ABHD6: variants seen among roughly 807,000 people sequenced by gnomAD.
The protein encoded by ABHD6 is abhydrolase domain containing 6, acylglycerol lipase.
ABHD6 carries 33 observed loss-of-function variants against 38.8 expected under a neutral mutation model. The observed-to-expected ratio is 0.85, with a 90% CI of 0.64 to 1.14. The LOEUF is 1.14. Among genes scored for constraint, ABHD6 ranks in the 50% most tolerant of loss-of-function variants. The pLI is 0.00. For synonymous variants in ABHD6, 147 were observed against 161.6 expected (o/e 0.91, Z 0.69); for missense variants, 380 against 422.6 (o/e 0.90, Z 0.88).
intron 3 of ABHD6, among the ~76,000 whole-genome samples, chr3:58,261,342 AATTTGG>A (rs1277200343): frequency 6.6e-6 from 1 of 152,204 alleles, no homozygotes; most frequent in African/African-American, 2.4e-5. Context: ...TTAATAAGTG[AATTTGG>A]AGCTGGGTGC....
intron 7 of ABHD6, among the ~76,000 whole-genome samples, chr3:58,277,226 A>G (rs2097449419): frequency 6.6e-6 from 1 of 152,134 alleles, no homozygotes; most frequent in South Asian, 2.1e-4. Flanking sequence ...TTTTCATGAT[A>G]TTGACTCTTA....
At chr3:58,244,890 T>C (rs1009248934) in intron 1 of ABHD6, among the ~76,000 whole-genome samples, 1 of 152,242 alleles carries the variant, frequency 6.6e-6, no homozygotes, top group African/African-American at 2.4e-5. Context: ...AACTGTATTT[T>C]ACTTTTAACT....
At chr3:58,286,504 A>C in intron 9 of ABHD6, among the ~76,000 whole-genome samples, 1 of 152,022 alleles carries the variant, frequency 6.6e-6, no homozygotes, top group East Asian at 1.9e-4. Context: ...AAAGGGCCAG[A>C]TGGTAAACAT....
At chr3:58,252,358 C>T (rs2097430621) in intron 2 of ABHD6, among the ~76,000 whole-genome samples, 2 of 149,492 alleles carry the variant, frequency 1.3e-5, no homozygotes, top group Non-Finnish European at 3.0e-5. Flanking sequence ...AGACTACAGG[C>T]GCATGCCACC....
In ABHD6 at chr3:58,293,771, C is replaced by G; in HGVS notation, c.*6C>G. 3 of 1,613,092 alleles carry G rather than the reference C, an allele frequency of 1.9e-6. No homozygotes were observed. Among genetic ancestry groups the G allele is most frequent in the Non-Finnish European group, 2.5e-6 (3 of 1,179,344 alleles). On this transcript the variant is annotated 3_prime_UTR_variant, in exon 10 of 10. Coordinates refer to ENST00000478253, the MANE Select transcript of ABHD6 (RefSeq NM_001320126.2). This position sits in a 1 kb window ranked among gnomAD's most constrained non-coding sequence, Gnocchi z 4.4. The stretch of plus-strand genomic sequence containing the variant: ...ACAACAAGAAGCTGGACTGAGGCCC[C>G]GACTGCAGCCTGCATTCTGCACACA...
In ABHD6 at chr3:58,293,804, C is replaced by T. The variant is rs756999060; in HGVS notation, c.*39C>T. The T allele has an allele frequency of 6.3e-7, 1 of 1,598,468 alleles. No individual in the cohort carries two copies. Among genetic ancestry groups the T allele is most frequent in the Non-Finnish European group, 8.5e-7 (1 of 1,169,840 alleles). On this transcript the variant is annotated 3_prime_UTR_variant, in exon 10 of 10. Transcript: ENST00000478253. The surrounding 1 kb of genome is among the most constrained non-coding windows in gnomAD (Gnocchi z 4.4). ...GCCTGCATTCTGCACACAGCATCTGCTCCCATCCCCCAAGTCTGACGCAGC... is the reference window on the plus strand; with the variant it reads ...GCCTGCATTCTGCACACAGCATCTGTTCCCATCCCCCAAGTCTGACGCAGC...
chr3:58,269,213 C>T lies in ABHD6; in HGVS notation c.277-108C>T. Reference sequence around the variant, plus strand: ...CACTGAGTGGCCAAGACCCATACATCCCCAGGGATGGCTGTCTGGGTCACT... The same window carrying T: ...CACTGAGTGGCCAAGACCCATACATTCCCAGGGATGGCTGTCTGGGTCACT... On this transcript the variant is annotated intron_variant, in intron 4 of 9. Transcript: ENST00000478253. The surrounding 1 kb of genome is among the most constrained non-coding windows in gnomAD (Gnocchi z 4.4). The T allele has an allele frequency of 1.4e-6, 1 of 731,592 alleles. No homozygotes were observed. Among genetic ancestry groups the T allele is most frequent in the Non-Finnish European group, 2.4e-6 (1 of 416,390 alleles). 45.3% of individuals were successfully genotyped at this position (731,592 alleles called of 1,614,324 possible).
chr3:58,243,668 C>CA (rs2097424365), intron 1 of ABHD6, among the ~76,000 whole-genome samples: 1 of 147,678 alleles, frequency 6.8e-6, no homozygotes, highest in Non-Finnish European at 1.5e-5. Flanking sequence ...CAGAAGTTTT[C>CA]TTTTTTTTTT....
intron 1 of ABHD6, among the ~76,000 whole-genome samples, chr3:58,244,291 G>A (rs1233508039): frequency 6.6e-6 from 1 of 152,208 alleles, no homozygotes; most frequent in Non-Finnish European, 1.5e-5. Flanking sequence ...GAGAAGGGAT[G>A]AACACTCCTT....
At chr3:58,275,352 CAG>C (rs36047733) in intron 7 of ABHD6, among the ~76,000 whole-genome samples, 57,804 of 139,366 alleles carry the variant, frequency 0.41, 12,615 homozygotes, top group African/African-American at 0.57. Flanking sequence ...TTTTTCCAGA[CAG>C]AGTCTCACTC....
chr3:58,250,656 T>G (rs1318222135), intron 2 of ABHD6, among the ~76,000 whole-genome samples: 1 of 152,126 alleles, frequency 6.6e-6, no homozygotes, highest in Non-Finnish European at 1.5e-5. Context: ...GTGAAAATTT[T>G]TCTTTTTACC....
At chr3:58,282,633 G>T (rs1196191576) in intron 7 of ABHD6, among the ~76,000 whole-genome samples, 2 of 152,176 alleles carry the variant, frequency 1.3e-5, no homozygotes, top group Non-Finnish European at 2.9e-5. Flanking sequence ...CTACTCGGGA[G>T]GCTGAGGTGA....
At chr3:58,270,835 G>A (rs1389196107) in intron 5 of ABHD6, 97 bp from the exon 6 acceptor site, 3 of 1,355,340 alleles carry the variant, frequency 2.2e-6, no homozygotes, top group East Asian at 2.5e-5. Context: ...GTCATTTTCA[G>A]TTGTCCATAG....
intron 7 of ABHD6, among the ~76,000 whole-genome samples, chr3:58,281,147 T>A (rs2097452875): frequency 6.6e-6 from 1 of 152,206 alleles, no homozygotes; most frequent in Admixed American, 6.5e-5. Flanking sequence ...GACAGGGACA[T>A]TTAAGTCTGC....
rs969005812 is a variant in ABHD6, at chr3:58,293,949, C to G, written c.*184C>G. 3 of 545,128 alleles carry G rather than the reference C, an allele frequency of 5.5e-6. No individual in the cohort carries two copies. The highest frequency in any genetic ancestry group is 3.8e-5 in the African/African-American group (2 of 52,752). 33.8% of individuals were successfully genotyped at this position (545,128 alleles called of 1,614,324 possible). A position where few individuals can be genotyped will look rare whatever the true frequency, so the allele number is the denominator to read the frequency against. ...GCTTTGGGGACCACGCGAAAACCTC[C>G]AAGATATTTTTCACAAAATAGAAAC... On this transcript the variant is annotated 3_prime_UTR_variant, in exon 10 of 10. Coordinates refer to ENST00000478253, the MANE Select transcript of ABHD6 (RefSeq NM_001320126.2). This position sits in a 1 kb window ranked among gnomAD's most constrained non-coding sequence, Gnocchi z 4.4.
intron 7 of ABHD6, among the ~76,000 whole-genome samples, chr3:58,277,145 T>C (rs374220458): frequency 1.3e-5 from 2 of 152,358 alleles, no homozygotes; most frequent in East Asian, 1.9e-4. Flanking sequence ...TTTCCAATTC[T>C]GTGAAGAAAG....
chr3:58,269,323 C>T lies in ABHD6; in HGVS notation c.279C>T (p.Phe93=), dbSNP rs762239561. ...HKDMWLSVVK[F]LPKNLHLVCV... Reference sequence around the variant, plus strand: ...TCTCTGGGTCTGTGTGTCCTCAGTTCCTTCCAAAGAACCTGCACTTGGTCT... The same window carrying T: ...TCTCTGGGTCTGTGTGTCCTCAGTTTCTTCCAAAGAACCTGCACTTGGTCT... The change falls in exon 5 of 10, where the codon TTC becomes TTT. Residue 93 remains phenylalanine, a splice_region_variant and synonymous_variant. Transcript: ENST00000478253. This position sits in a 1 kb window ranked among gnomAD's most constrained non-coding sequence, Gnocchi z 4.4. 4 of 1,613,062 alleles carry T rather than the reference C, an allele frequency of 2.5e-6. No homozygotes were observed. The South Asian group carries it at 4.4e-5, about 18-fold the overall frequency.
intron 1 of ABHD6, among the ~76,000 whole-genome samples, chr3:58,239,121 GC>G (rs2097421090): frequency 8.8e-6 from 1 of 113,016 alleles, no homozygotes; most frequent in Non-Finnish European, 1.8e-5. Flanking sequence ...TCCCCCAACC[GC>G]CCCCCCAACC....
chr3:58,243,018 A>G (rs561208726), intron 1 of ABHD6, among the ~76,000 whole-genome samples: 1 of 152,298 alleles, frequency 6.6e-6, no homozygotes, highest in Admixed American at 6.5e-5. Flanking sequence ...GATGGTTTCC[A>G]GCTTCATCCA....
Sources: gnomAD v4.1 joint callset for allele counts (sites outside exome capture counted in the v4.1 genomes callset) on GRCh38, gnomAD v4.1.1 for gene constraint, Gnocchi (gnomAD v3.1) non-coding constraint, MANE v1.5 for transcripts, NCBI Gene and HGNC (gene_info 2026-07-23, HGNC 2026-07-21) for gene names.